SLC13A3: variants seen among roughly 807,000 people sequenced by gnomAD.
SLC13A3 encodes the protein solute carrier family 13 member 3.
SLC13A3 carries 40 observed loss-of-function variants against 59.0 expected under a neutral mutation model. That is an observed-to-expected ratio of 0.68 (90% confidence interval 0.53 to 0.88). SLC13A3 has a LOEUF of 0.88. Ranked by LOEUF, SLC13A3 falls within the 40% of genes least tolerant of loss-of-function variation. The pLI, the probability that SLC13A3 is intolerant of heterozygous loss-of-function variation, is 0.00. For missense variants in SLC13A3, 699 were observed against 783.2 expected (o/e 0.89, Z 1.28); for synonymous variants, 317 against 330.3 (o/e 0.96, Z 0.44).
chr20:46,659,719 C>CG lies in SLC13A3; in HGVS notation c.-31+10323_-31+10324insC, dbSNP rs1341750699. Among the ~76,000 whole-genome samples the CG allele has an allele frequency of 1.4e-4, 21 of 148,728 alleles. No individual in the cohort carries two copies. In the East Asian group the frequency reaches 3.3e-3, roughly 24 times the overall value. On this transcript the variant is annotated intron_variant, in intron 1 of 12. Coordinates refer to the SLC13A3 transcript ENST00000290317. ...TGACAGAGTGAGACCCTATCCCCCCCCCCCAAAAAAAAAAAGAAAAAACAA... is the reference window on the plus strand; with the variant it reads ...TGACAGAGTGAGACCCTATCCCCCCCGCCCCAAAAAAAAAAAGAAAAAACAA...
chr20:46,583,558 C>T lies in SLC13A3; in HGVS notation c.1219+14G>A. 4 of 1,613,724 alleles carry T rather than the reference C, an allele frequency of 2.5e-6. No individual in the cohort carries two copies. Among genetic ancestry groups the T allele is most frequent in the Non-Finnish European group, 3.4e-6 (4 of 1,179,886 alleles). On this transcript the variant is annotated intron_variant, in intron 9 of 12. Coordinates refer to ENST00000279027, the MANE Select transcript of SLC13A3 (RefSeq NM_022829.6). ...TCACTGAGCCCACCGAGACCCCAGC[C>T]TTGACCACCTTACCTTTGAAGTCAA...
chr20:46,640,485 G>A (rs565047402), intron 1 of SLC13A3, among the ~76,000 whole-genome samples: 69 of 152,262 alleles, frequency 4.5e-4, no homozygotes, highest in African/African-American at 1.6e-3. Context: ...GTCCCTCTTC[G>A]TGTGAATTTC....
At chr20:46,665,673 T>A (rs2098357209) in intron 1 of SLC13A3, among the ~76,000 whole-genome samples, 1 of 152,254 alleles carries the variant, frequency 6.6e-6, no homozygotes, top group African/African-American at 2.4e-5. Context: ...CCGTTTGAAC[T>A]TTCTGGCTAT....
In SLC13A3 at chr20:46,596,353, A is replaced by G; in HGVS notation, c.609-11T>C. On this transcript the variant is annotated splice_polypyrimidine_tract_variant and intron_variant, in intron 4 of 12. Coordinates refer to ENST00000279027, the MANE Select transcript of SLC13A3 (RefSeq NM_022829.6). ...CCAGGGTGGTCTTTGCTTTAAACAA[A>G]TCCAAAGAGAAGCCATTCAGAATAC... The G allele has an allele frequency of 6.2e-7, 1 of 1,613,036 alleles. No homozygotes were observed. Among genetic ancestry groups the G allele is most frequent in the African/African-American group, 1.3e-5 (1 of 75,034 alleles).
intron 2 of SLC13A3, among the ~76,000 whole-genome samples, chr20:46,610,819 C>G (rs1481268564): frequency 6.6e-6 from 1 of 152,098 alleles, no homozygotes; most frequent in African/African-American, 2.4e-5. Flanking sequence ...CCATAGGTAC[C>G]CAGGTTATAA....
Position 46,613,739 on chromosome 20 carries a change from T to C in SLC13A3, c.112-14A>G. On this transcript the variant is annotated splice_polypyrimidine_tract_variant and intron_variant, in intron 1 of 12. Transcript: ENST00000279027. ...GCAGCGGCCTTCCTGCAGGAGGAGA[T>C]GCATGCTCAGAGGGTCAGCGGGGCT... 6.3e-7 allele frequency: 1 copy of C among 1,579,808 alleles called. No homozygotes were observed. The highest frequency in any genetic ancestry group is 1.2e-5 in the South Asian group (1 of 85,814).
intron 1 of SLC13A3, among the ~76,000 whole-genome samples, chr20:46,660,465 T>C (rs2063022694): frequency 6.6e-6 from 1 of 152,138 alleles, no homozygotes; most frequent in Admixed American, 6.5e-5. Context: ...TTCATATCAT[T>C]GATCCCCTGT....
intron 1 of SLC13A3, among the ~76,000 whole-genome samples, chr20:46,661,625 C>T (rs1463226148): frequency 6.6e-6 from 1 of 152,134 alleles, no homozygotes; most frequent in Non-Finnish European, 1.5e-5. Context: ...AATCCTGCCC[C>T]CCATTTCCTG....
chr20:46,608,089 T>C (rs780128272), intron 3 of SLC13A3, among the ~76,000 whole-genome samples: 9 of 152,132 alleles, frequency 5.9e-5, no homozygotes, highest in Non-Finnish European at 1.3e-4. Flanking sequence ...GGCAGTTCTC[T>C]TAAGGGAAAC....
chr20:46,565,742 G>A lies in SLC13A3; in HGVS notation c.1494+487C>T, dbSNP rs968209086. Among the ~76,000 whole-genome samples the A allele has an allele frequency of 4.6e-5, 7 of 152,270 alleles. No homozygotes were observed. The South Asian group carries it at 8.3e-4, about 18-fold the overall frequency. The stretch of plus-strand genomic sequence containing the variant: ...TTGGATTGTCATGATTTAGGGAGGC[G>A]CCACTTGTCTCTAGTGAGCAGAGCC... On this transcript the variant is annotated intron_variant, in intron 11 of 12. Transcript: ENST00000279027.
At position 46,659,716 on chromosome 20, in the gene SLC13A3, C is replaced by A. The variant is rs536948032; in HGVS notation, c.-31+10327G>T. ...GGGTGACAGAGTGAGACCCTATCCC[C>A]CCCCCCCAAAAAAAAAAAGAAAAAA... On this transcript the variant is annotated intron_variant, in intron 1 of 12. Coordinates refer to the SLC13A3 transcript ENST00000290317. 1.1e-3 allele frequency among the ~76,000 whole-genome samples: 166 copies of A among 148,506 alleles called. 1 individual carries two copies. The highest frequency in any genetic ancestry group is 3.6e-3 in the African/African-American group (145 of 39,858).
At chr20:46,665,717 A>C (rs541698271) in intron 1 of SLC13A3, among the ~76,000 whole-genome samples, 1 of 152,148 alleles carries the variant, frequency 6.6e-6, no homozygotes, top group Non-Finnish European at 1.5e-5. Context: ...TTAGTGTACA[A>C]GTTTTTGGAC....
At chr20:46,657,361 C>T (rs1420013850) in intron 1 of SLC13A3, among the ~76,000 whole-genome samples, 2 of 148,086 alleles carry the variant, frequency 1.4e-5, no homozygotes, top group Non-Finnish European at 3.0e-5. Flanking sequence ...TGACAGAGTG[C>T]GAAAATGTCT....
At chr20:46,635,743 T>A (rs189156322) in intron 1 of SLC13A3, among the ~76,000 whole-genome samples, 5 of 152,190 alleles carry the variant, frequency 3.3e-5, no homozygotes, top group Non-Finnish European at 7.4e-5. Context: ...CAGAATGAGA[T>A]AGGAGGTCAG....
rs767881254 is a variant in SLC13A3, at chr20:46,599,584, G to A, written c.608+387C>T. Reference sequence around the variant, plus strand: ...CTTTGTAAGTCATGTAGGGTGAAGGGCTGTTATTGTTTTATAAGGAATTTT... The same window carrying A: ...CTTTGTAAGTCATGTAGGGTGAAGGACTGTTATTGTTTTATAAGGAATTTT... On this transcript the variant is annotated intron_variant, in intron 4 of 12. Coordinates refer to ENST00000279027, the MANE Select transcript of SLC13A3 (RefSeq NM_022829.6). 1.4e-4 allele frequency among the ~76,000 whole-genome samples: 21 copies of A among 152,170 alleles called. No homozygotes were observed. In the Middle Eastern group the frequency reaches 0.01, roughly 74 times the overall value.
rs11469544 is a variant in SLC13A3, at chr20:46,622,621, C to CGTGTGT, written c.112-8902_112-8897dup. The stretch of plus-strand genomic sequence containing the variant: ...AACAGGAATTGGTGTGTGGTGTGTG[C>CGTGTGT]GTGTGTGTGTGTGTGTGTGTGTGTG... On this transcript the variant is annotated intron_variant, in intron 1 of 12. Coordinates refer to ENST00000279027, the MANE Select transcript of SLC13A3 (RefSeq NM_022829.6). Among the ~76,000 whole-genome samples, 8 of 134,164 alleles carry CGTGTGT rather than the reference C, an allele frequency of 6.0e-5. 1 individual carries two copies. In the East Asian group the frequency reaches 1.1e-3, roughly 18 times the overall value. The allele number at this position is 134,164 out of a possible 152,430, so 88.0% of individuals were successfully genotyped here.
chr20:46,661,059 G>T (rs1288578249), intron 1 of SLC13A3, among the ~76,000 whole-genome samples: 1 of 152,034 alleles, frequency 6.6e-6, no homozygotes, highest in Non-Finnish European at 1.5e-5. Flanking sequence ...TTAGAATTTT[G>T]TTGTAGATTT....
At chr20:46,591,619 C>T (rs1188800608) in intron 6 of SLC13A3, among the ~76,000 whole-genome samples, 1 of 152,186 alleles carries the variant, frequency 6.6e-6, no homozygotes, top group Non-Finnish European at 1.5e-5. Context: ...CCAACTGAGA[C>T]TTTCTCCTCA....
intron 1 of SLC13A3, among the ~76,000 whole-genome samples, chr20:46,632,523 C>T (rs1215261361): frequency 6.6e-6 from 1 of 151,468 alleles, no homozygotes; most frequent in Non-Finnish European, 1.5e-5. Flanking sequence ...GAGCTGGGAC[C>T]TGGGGGTTAT....
Sources: gnomAD v4.1 joint callset for allele counts (sites outside exome capture counted in the v4.1 genomes callset) on GRCh38, gnomAD v4.1.1 for gene constraint, MANE v1.5 for transcripts, NCBI Gene and HGNC (gene_info 2026-07-23, HGNC 2026-07-21) for gene names.